The following CNTN4 variants were observed in gnomAD, a reference collection of about 807,000 sequenced individuals.
CNTN4 encodes contactin 4.
A neutral mutation model predicts 122.5 loss-of-function variants in CNTN4; 77 were observed. The ratio of observed to expected loss-of-function variants is 0.63; its 90% confidence interval spans 0.52 to 0.76. The LOEUF (loss-of-function observed/expected upper bound fraction) is 0.76, where lower values mean the gene tolerates loss of function less well. Among genes scored for constraint, CNTN4 ranks in the 30% least tolerant of loss-of-function variants. The pLI is 0.00. For synonymous variants in CNTN4, 512 were observed against 447.0 expected, an observed-to-expected ratio of 1.15 and a Z score of -1.83; for missense variants, 1,256 against 1,259.1, an observed-to-expected ratio of 1.00 and a Z score of 0.04.
At chr3:2,740,406 T>C (rs1392420206) in intron 5 of CNTN4, among the ~76,000 whole-genome samples, 1 of 152,094 alleles carries the variant, frequency 6.6e-6, no homozygotes, top group Non-Finnish European at 1.5e-5. Context: ...CAGCATATTT[T>C]TGGGTGGCAT....
rs556197936 is a variant in CNTN4 at position 2,711,179 on chromosome 3, C to G, written c.56-25036C>G. Among the ~76,000 whole-genome samples, 9 of 152,210 alleles carry G rather than the reference C, an allele frequency of 5.9e-5. No homozygotes were observed. The South Asian group carries it at 1.9e-3, about 32-fold the overall frequency. ...GCAAGAGGGTCACAAACCCAGATGCCTACAGGGGCCGGATACAGAAAAGAA... is the reference window on the plus strand; with the variant it reads ...GCAAGAGGGTCACAAACCCAGATGCGTACAGGGGCCGGATACAGAAAAGAA... On this transcript the variant is annotated intron_variant, in intron 4 of 24. Coordinates refer to ENST00000418658, the MANE Select transcript of CNTN4 (RefSeq NM_175607.3).
At chr3:2,867,872 A>G (rs766875123) in intron 8 of CNTN4, among the ~76,000 whole-genome samples, 11 of 152,136 alleles carry the variant, frequency 7.2e-5, no homozygotes, top group Non-Finnish European at 1.5e-4. Flanking sequence ...AAGCATATGT[A>G]GTACCTTATT....
At chr3:3,051,566 G>C (rs953237585) in intron 23 of CNTN4, among the ~76,000 whole-genome samples, 1 of 152,178 alleles carries the variant, frequency 6.6e-6, no homozygotes, top group South Asian at 2.1e-4. Context: ...TTCTCCTGGA[G>C]GGCCGTGATG....
At position 2,840,635 on chromosome 3, in the gene CNTN4, CT is replaced by C. The variant is rs777890826; in HGVS notation, c.454+21056del. ...AATGGCGGGAACCCGGGAGGCGGAG[CT>C]TGCAGTGAGCCAAGATCACACCACT... On this transcript the variant is annotated intron_variant, in intron 7 of 24. Coordinates refer to ENST00000418658, the MANE Select transcript of CNTN4 (RefSeq NM_175607.3). Among the ~76,000 whole-genome samples the C allele has an allele frequency of 5.0e-3, 591 of 118,230 alleles. 10 individuals carry two copies. Among genetic ancestry groups the C allele is most frequent in the African/African-American group, 0.016 (548 of 33,826 alleles). The allele number at this position is 118,230 out of a possible 152,430, so 77.6% of individuals were successfully genotyped here.
chr3:2,175,858 A>T lies in CNTN4; in HGVS notation c.-145+75219A>T, dbSNP rs535880610. ...GGCAGAGAGAGGGCAATGATATTAC[A>T]GGCAAGCAGCTAGCACAGCAAAAAA... On this transcript the variant is annotated intron_variant, in intron 2 of 24. Coordinates refer to ENST00000418658, the MANE Select transcript of CNTN4 (RefSeq NM_175607.3). 4.6e-5 allele frequency among the ~76,000 whole-genome samples: 7 copies of T among 152,336 alleles called. No homozygotes were observed. In the East Asian group the frequency reaches 1.3e-3, roughly 29 times the overall value.
intron 2 of CNTN4, among the ~76,000 whole-genome samples, chr3:2,148,124 G>C (rs1156573438): frequency 6.6e-6 from 1 of 152,086 alleles, no homozygotes; most frequent in Non-Finnish European, 1.5e-5. Flanking sequence ...GGACTTTATC[G>C]CTAATGATAA....
At chr3:2,349,835 G>A (rs62244023) in intron 3 of CNTN4, among the ~76,000 whole-genome samples, 19,313 of 152,048 alleles carry the variant, frequency 0.13, 1,510 homozygotes, top group Non-Finnish European at 0.18. Context: ...GAAACAACCC[G>A]AAACAAGCTA....
chr3:2,214,705 C>G (rs2038764307), intron 2 of CNTN4, among the ~76,000 whole-genome samples: 1 of 152,030 alleles, frequency 6.6e-6, no homozygotes, highest in African/African-American at 2.4e-5. Flanking sequence ...TCATAATGAT[C>G]AAGTGAAAAC....
At chr3:2,334,573 G>A (rs891589488) in intron 2 of CNTN4, among the ~76,000 whole-genome samples, 2 of 143,994 alleles carry the variant, frequency 1.4e-5, no homozygotes, top group Non-Finnish European at 3.1e-5. Context: ...AGCAAATAAC[G>A]TGGTAAAGCT....
Position 3,043,664 on chromosome 3 carries a change from T to C in CNTN4, c.2771T>C (p.Val924Ala), listed in dbSNP as rs1349027735. 3 of 1,613,954 alleles carry C rather than the reference T, an allele frequency of 1.9e-6. No individual in the cohort carries two copies. Among genetic ancestry groups the C allele is most frequent in the Admixed American group, 1.7e-5 (1 of 60,026 alleles). The change falls in exon 23 of 25, where the codon GTG becomes GCG. Residue 924 changes from valine (V) to alanine (A), a missense_variant. Transcript: ENST00000418658. ...DSKIILNWDQ[V>A]KALDNESEVK... ...AAAATTATCCTGAATTGGGATCAAG[T>C]GAAGGCCCTGGATAATGAGTCGGAA...
chr3:2,192,910 T>A (rs1385128201), intron 2 of CNTN4, among the ~76,000 whole-genome samples: 1 of 152,190 alleles, frequency 6.6e-6, no homozygotes, highest in Non-Finnish European at 1.5e-5. Context: ...TGTGTATGTG[T>A]GTTTTGCTGT....
rs553936225 is a variant in CNTN4 at position 2,718,639 on chromosome 3, G to A, written c.56-17576G>A. Reference sequence around the variant, plus strand: ...GGGAAGGATAGTTGTGTTGCTTGAAGTGTATTTTTTATTATTTTTGCTATT... The same window carrying A: ...GGGAAGGATAGTTGTGTTGCTTGAAATGTATTTTTTATTATTTTTGCTATT... On this transcript the variant is annotated intron_variant, in intron 4 of 24. Transcript: ENST00000418658. Among the ~76,000 whole-genome samples, 17 of 152,294 alleles carry A rather than the reference G, an allele frequency of 1.1e-4. 2 individuals are homozygous for A. Among genetic ancestry groups the A allele is most frequent in the African/African-American group, 2.9e-4 (12 of 41,574 alleles).
intron 2 of CNTN4, among the ~76,000 whole-genome samples, chr3:2,226,847 T>C (rs2039302901): frequency 6.6e-6 from 1 of 152,232 alleles, no homozygotes; most frequent in African/African-American, 2.4e-5. Context: ...ATTATTATTA[T>C]GTGCCAGACA....
At chr3:2,169,545 T>C (rs1000812527) in intron 2 of CNTN4, among the ~76,000 whole-genome samples, 26 of 105,344 alleles carry the variant, frequency 2.5e-4, no homozygotes, top group Non-Finnish European at 4.0e-4. Context: ...TAGCTGGGAC[T>C]ACAGGCGCCG....
chr3:2,822,987 G>T (rs1395012322), intron 7 of CNTN4, among the ~76,000 whole-genome samples: 1 of 152,178 alleles, frequency 6.6e-6, no homozygotes, highest in Non-Finnish European at 1.5e-5. Context: ...TTTGAGAAAA[G>T]AACAAAGAAG....
rs747233346 is a variant in CNTN4, at chr3:3,039,875, T to C, written c.2164-162T>C. 2.5e-4 allele frequency: 166 copies of C among 674,884 alleles called. 2 individuals carry two copies. The highest frequency in any genetic ancestry group is 4.2e-4 in the Non-Finnish European group (153 of 367,736). The allele number at this position is 674,884 out of a possible 1,614,324, so 41.8% of individuals were successfully genotyped here. A position where few individuals can be genotyped will look rare whatever the true frequency, so the allele number is the denominator to read the frequency against. ...TCCAGTACATCATAACTGTTTAAGA[T>C]AGACTGACTGCAAGCCCTAAATTTA... On this transcript the variant is annotated intron_variant, in intron 19 of 24. Coordinates refer to ENST00000418658, the MANE Select transcript of CNTN4 (RefSeq NM_175607.3).
At chr3:2,121,313 C>A (rs6764818) in intron 2 of CNTN4, among the ~76,000 whole-genome samples, 35,094 of 151,998 alleles carry the variant, frequency 0.23, 5,073 homozygotes, top group Admixed American at 0.33. Context: ...GCCTGACCAA[C>A]ATAGTGAAAC....
At chr3:2,936,301 A>G (rs1350512840) in intron 13 of CNTN4, among the ~76,000 whole-genome samples, 1 of 152,190 alleles carries the variant, frequency 6.6e-6, no homozygotes, top group Non-Finnish European at 1.5e-5. Context: ...TCTGCAGCTC[A>G]GTGCCAGGCT....
chr3:2,861,837 G>T (rs1388734579), intron 7 of CNTN4, among the ~76,000 whole-genome samples: 1 of 152,108 alleles, frequency 6.6e-6, no homozygotes, highest in Non-Finnish European at 1.5e-5. Flanking sequence ...TGGATTTGAT[G>T]ATCTACATAT....
Sources: allele counts gnomAD v4.1 joint callset (sites outside exome capture counted in the v4.1 genomes callset), GRCh38; gene constraint gnomAD v4.1.1; transcripts MANE v1.5; gene names NCBI Gene and HGNC (gene_info 2026-07-23, HGNC 2026-07-21).